The following EDARADD variants were observed in gnomAD, a reference collection of about 807,000 sequenced individuals.
EDARADD encodes the protein ectodysplasin-A receptor-associated adapter protein.
A neutral mutation model predicts 25.6 loss-of-function variants in EDARADD; 20 were observed. That is an observed-to-expected ratio of 0.78 (90% confidence interval 0.55 to 1.14). EDARADD has a LOEUF of 1.14. Ranked by LOEUF, EDARADD falls within the 50% of genes most tolerant of loss-of-function variation. The probability of loss-of-function intolerance (pLI) is 0.00; values close to 1 mark genes in which losing one functional copy is unlikely to be tolerated. For missense variants in EDARADD, 225 were observed against 270.1 expected (o/e 0.83, Z 1.17); for synonymous variants, 86 against 94.4 (o/e 0.91, Z 0.52).
chr1:236,357,792 G>A (rs1376877672), intron 3 of EDARADD, among the ~76,000 whole-genome samples: 1 of 151,822 alleles, frequency 6.6e-6, no homozygotes, highest in East Asian at 1.9e-4. Context: ...TCCAACATGG[G>A]GATTACAGTT....
intron 4 of EDARADD, among the ~76,000 whole-genome samples, chr1:236,452,882 C>T (rs1658751346): frequency 6.6e-6 from 1 of 152,194 alleles, no homozygotes; most frequent in South Asian, 2.1e-4. Context: ...TGTCCCATTA[C>T]AGTCTCCGCC....
At chr1:236,404,153 T>C (rs565425956) in intron 1 of EDARADD, among the ~76,000 whole-genome samples, 1 of 152,188 alleles carries the variant, frequency 6.6e-6, no homozygotes, top group Non-Finnish European at 1.5e-5. Context: ...CTATTAGATA[T>C]CAGAGCCTTG....
At chr1:236,431,890 C>T (rs534810215) in intron 4 of EDARADD, among the ~76,000 whole-genome samples, 1 of 45,184 alleles carries the variant, frequency 2.2e-5, no homozygotes, top group African/African-American at 4.3e-5. Context: ...CACTGCAGTC[C>T]GCAGTCCGAC....
chr1:236,437,327 G>A (rs1425454060), intron 4 of EDARADD, among the ~76,000 whole-genome samples: 1 of 152,182 alleles, frequency 6.6e-6, no homozygotes, highest in African/African-American at 2.4e-5. Flanking sequence ...ACTACTTTGG[G>A]AAGAGTTGTT....
chr1:236,427,831 T>C (rs1191042566), intron 4 of EDARADD, among the ~76,000 whole-genome samples: 1 of 152,096 alleles, frequency 6.6e-6, no homozygotes, highest in Non-Finnish European at 1.5e-5. Flanking sequence ...TAAACTTTAA[T>C]TTTTTTAGAT....
rs749956097 is a variant in EDARADD at position 236,394,516 on chromosome 1, A to G, written c.61+11A>G. ...CTGGTCACCAAGAGGGTATGTAGGC[A>G]TTTGCTGTCTTCCTGGATTTCTCAG... On this transcript the variant is annotated intron_variant, in intron 1 of 5. Transcript: ENST00000334232. The G allele has an allele frequency of 6.2e-7, 1 of 1,610,616 alleles. No homozygotes were observed. Among genetic ancestry groups the G allele is most frequent in the East Asian group, 2.2e-5 (1 of 44,854 alleles).
At position 236,484,212 on chromosome 1, in the gene EDARADD, GTGAC is replaced by G; in HGVS notation, c.*1567_*1570del. On this transcript the variant is annotated 3_prime_UTR_variant, in exon 6 of 6. Transcript: ENST00000334232. This position sits in a 1 kb window ranked among gnomAD's most constrained non-coding sequence, Gnocchi z 4.1. Reference sequence around the variant, plus strand: ...GCTCAAAGTGAACCAGATTCGCTCTGTGACTGAGTCCCTTCAGGCGTGCAAGCTG... The same window carrying G: ...GCTCAAAGTGAACCAGATTCGCTCTGTGAGTCCCTTCAGGCGTGCAAGCTG... 1 of 1,005,358 alleles carries G rather than the reference GTGAC, an allele frequency of 9.9e-7. No homozygotes were observed. Among genetic ancestry groups the G allele is most frequent in the Non-Finnish European group, 1.6e-6 (1 of 625,458 alleles). The allele number at this position is 1,005,358 out of a possible 1,614,324, so 62.3% of individuals were successfully genotyped here.
rs776501424 is a variant in EDARADD, at chr1:236,483,513, G to A, written c.*864G>A. ...AAATGCCATTCTGGGAGTGTCCCTC[G>A]CTGCCTGCAAAGCTAGTGCTGTTGA... On this transcript the variant is annotated 3_prime_UTR_variant, in exon 6 of 6. Coordinates refer to ENST00000334232, the MANE Select transcript of EDARADD (RefSeq NM_145861.4). 57 of 1,026,514 alleles carry A rather than the reference G, an allele frequency of 5.6e-5. 1 individual carries two copies. Among genetic ancestry groups the A allele is most frequent in the South Asian group, 2.7e-4 (21 of 78,824 alleles). The allele number at this position is 1,026,514 out of a possible 1,614,324, so 63.6% of individuals were successfully genotyped here.
chr1:236,398,454 G>A lies in EDARADD; in HGVS notation c.61+3949G>A, dbSNP rs986359852. On this transcript the variant is annotated intron_variant, in intron 1 of 5. Transcript: ENST00000334232. This position sits in a 1 kb window ranked among gnomAD's most constrained non-coding sequence, Gnocchi z 4.1. ...ATTTGTCTGTGCTGGCTTTGAATCC[G>A]GTGCTGGCTTTCCAACACTCCGACA... Among the ~76,000 whole-genome samples the A allele has an allele frequency of 2.6e-5, 4 of 152,168 alleles. No homozygotes were observed. The highest frequency in any genetic ancestry group is 9.7e-5 in the African/African-American group (4 of 41,440).
At chr1:236,359,266 A>G (rs949210920) in intron 3 of EDARADD, among the ~76,000 whole-genome samples, 11 of 152,326 alleles carry the variant, frequency 7.2e-5, no homozygotes, top group South Asian at 2.1e-4. Context: ...CCAAATTCCT[A>G]TATTAAAAAT....
At chr1:236,400,954 T>C (rs1237439927) in intron 1 of EDARADD, among the ~76,000 whole-genome samples, 1 of 151,968 alleles carries the variant, frequency 6.6e-6, no homozygotes, top group Non-Finnish European at 1.5e-5. Context: ...CCCAGCACTT[T>C]AGGAGGCCGA....
At chr1:236,447,204 C>CT (rs1195224148) in intron 4 of EDARADD, among the ~76,000 whole-genome samples, 1 of 44,916 alleles carries the variant, frequency 2.2e-5, no homozygotes, top group African/African-American at 7.5e-5. Flanking sequence ...TTCTTTCTTT[C>CT]TTTCTTTCTT....
At chr1:236,404,300 G>C (rs1667669602) in intron 1 of EDARADD, among the ~76,000 whole-genome samples, 1 of 152,184 alleles carries the variant, frequency 6.6e-6, no homozygotes, top group Non-Finnish European at 1.5e-5. Context: ...CCTTAGGGCA[G>C]CTTTCCACTT....
intron 4 of EDARADD, among the ~76,000 whole-genome samples, chr1:236,464,521 C>G (rs1005502464): frequency 1.3e-5 from 2 of 148,274 alleles, no homozygotes; most frequent in Non-Finnish European, 3.0e-5. Context: ...CAACCTCCGC[C>G]TCCCGGGTTC....
chr1:236,440,004 T>C (rs1270785257), intron 4 of EDARADD, among the ~76,000 whole-genome samples: 1 of 152,212 alleles, frequency 6.6e-6, no homozygotes, highest in African/African-American at 2.4e-5. Context: ...CTGTGACCCA[T>C]TTTGAGTTAA....
At chr1:236,376,272 G>C (rs1667225058) in intron 3 of EDARADD, among the ~76,000 whole-genome samples, 1 of 152,066 alleles carries the variant, frequency 6.6e-6, no homozygotes, top group African/African-American at 2.4e-5. Context: ...CTTTCTTTAT[G>C]TAATCTGAGT....
At chr1:236,388,483 C>T (rs1667382395) in intron 3 of EDARADD, among the ~76,000 whole-genome samples, 1 of 152,188 alleles carries the variant, frequency 6.6e-6, no homozygotes, top group South Asian at 2.1e-4. Flanking sequence ...TCATGACTAT[C>T]TTTACAATAT....
chr1:236,368,440 C>CTTTTTT lies in EDARADD; in HGVS notation c.-6+17615_-6+17620dup, dbSNP rs59201705. 1.3e-4 allele frequency among the ~76,000 whole-genome samples: 16 copies of CTTTTTT among 124,174 alleles called. 1 individual carries two copies. Among genetic ancestry groups the CTTTTTT allele is most frequent in the East Asian group, 4.7e-4 (2 of 4,268 alleles). 81.5% of individuals were successfully genotyped at this position (124,174 alleles called of 152,430 possible). On this transcript the variant is annotated intron_variant, in intron 3 of 7. Transcript: ENST00000439430. ...CACCCCAGCCCCAATCCAGTCTTTT[C>CTTTTTT]TTTTTTTTTTTTTTTTTTTGACAGA... is the stretch of plus-strand genomic sequence containing the variant.
intron 3 of EDARADD, among the ~76,000 whole-genome samples, chr1:236,375,751 G>C (rs953302213): frequency 2.6e-5 from 4 of 151,458 alleles, no homozygotes; most frequent in Non-Finnish European, 4.4e-5. Context: ...GCTGAGATTA[G>C]TGTTGCATGC....
Sources: allele counts gnomAD v4.1 joint callset (sites outside exome capture counted in the v4.1 genomes callset), GRCh38; gene constraint gnomAD v4.1.1; non-coding constraint Gnocchi (gnomAD v3.1); transcripts MANE v1.5; gene names NCBI Gene and HGNC (gene_info 2026-07-23, HGNC 2026-07-21).